Variants in HERC1 observed in about 807,000 individuals in gnomAD.
HERC1 encodes the protein HECT and RLD domain containing E3 ubiquitin protein ligase family member 1.
In HERC1, 160 loss-of-function variants were observed where a neutral mutation model predicts 554.3. The observed-to-expected ratio is 0.29, with a 90% CI of 0.25 to 0.33. HERC1 has a LOEUF of 0.33. HERC1 is among the 10% of genes least tolerant of loss of function. The pLI, the probability that HERC1 is intolerant of heterozygous loss-of-function variation, is 1.00. For synonymous variants in HERC1, 2,175 were observed against 2,131.7 expected (o/e 1.02, Z -0.56); for missense variants, 4,919 against 5,918.5 (o/e 0.83, Z 5.54).
At position 63,725,924 on chromosome 15, in the gene HERC1, T is replaced by G. The variant is rs541779685; in HGVS notation, c.3347-411A>C. On this transcript the variant is annotated intron_variant, in intron 17 of 77. Coordinates refer to ENST00000443617, the MANE Select transcript of HERC1 (RefSeq NM_003922.4). Reference sequence around the variant, plus strand: ...AGATTGTTTAATGCTTTTTAAGGCCTGAATTCAGAATTGTCTTAATACTAA... The same window carrying G: ...AGATTGTTTAATGCTTTTTAAGGCCGGAATTCAGAATTGTCTTAATACTAA... Among the ~76,000 whole-genome samples, 184 of 152,214 alleles carry G rather than the reference T, an allele frequency of 1.2e-3. 1 individual carries two copies. The highest frequency in any genetic ancestry group is 4.4e-3 in the African/African-American group (181 of 41,528).
chr15:63,800,366 T>C (rs1436726250), intron 1 of HERC1, among the ~76,000 whole-genome samples: 4 of 152,218 alleles, frequency 2.6e-5, no homozygotes, highest in Non-Finnish European at 1.5e-5. Flanking sequence ...CTGAGATCCT[T>C]AACTCCTGGA....
rs2069872900 is a variant in HERC1, at chr15:63,654,135, T to G, written c.10274A>C (p.Glu3425Ala). ...AATACTTACTCTGTTCTGATGAGCC[T>G]CCAATTTGATAAAGGAGCATTTTCT... The part of the protein sequence containing the change: ...DLRKCSFIKL[E>A]AHQNRVMTCV... Residue 3425 changes from glutamate (E) to alanine (A), a missense_variant, in exon 51 of 78, where the codon GAG (glutamate) becomes GCG (alanine). Physicochemically the swap from Glu to Ala is moderately radical, Grantham distance 107 (BLOSUM62 -1). Coordinates refer to ENST00000443617, the MANE Select transcript of HERC1 (RefSeq NM_003922.4). The G allele has an allele frequency of 6.2e-7, 1 of 1,613,036 alleles. No individual in the cohort carries two copies. The highest frequency in any genetic ancestry group is 8.5e-7 in the Non-Finnish European group (1 of 1,179,160).
In HERC1 at chr15:63,634,838, C is replaced by G. The variant is rs2068711494; in HGVS notation, c.12465G>C (p.Leu4155=). The change falls in exon 66 of 78, where the codon CTG becomes CTC. Residue 4155 remains leucine, a synonymous_variant. Transcript: ENST00000443617. The part of the protein sequence containing the change: ...HSAVVTSDGK[L]FTFGNGDYGR... ...CATAGTCACCATTCCCAAAGGTGAA[C>G]AGTTTGCCATCTGAAGTGACCACTG... 1 of 1,613,310 alleles carries G rather than the reference C, an allele frequency of 6.2e-7. No homozygotes were observed. Among genetic ancestry groups the G allele is most frequent in the African/African-American group, 1.3e-5 (1 of 74,906 alleles).
rs549415484 is a variant in HERC1, at chr15:63,825,795, G to A, written c.-27+8032C>T. ...TTTTTTTTTTTTGAGATGGAGTCTC[G>A]TTCTTGTCCCCCAGGCTGAGTATAG... On this transcript the variant is annotated intron_variant, in intron 1 of 77. Coordinates refer to ENST00000443617, the MANE Select transcript of HERC1 (RefSeq NM_003922.4). Among the ~76,000 whole-genome samples the A allele has an allele frequency of 4.6e-5, 7 of 151,256 alleles. No individual in the cohort carries two copies. In the East Asian group the frequency reaches 7.7e-4, roughly 17 times the overall value.
At chr15:63,642,912 C>A in intron 59 of HERC1, 45 bp downstream of exon 59, 1 of 1,158,480 alleles carries the variant, frequency 8.6e-7, no homozygotes, top group South Asian at 1.3e-5. Flanking sequence ...TTCTAAAGTT[C>A]CTTACAAGCT....
intron 8 of HERC1, among the ~76,000 whole-genome samples, chr15:63,750,653 C>T (rs1292714647): frequency 3.9e-5 from 6 of 152,086 alleles, no homozygotes; most frequent in Admixed American, 1.3e-4. Flanking sequence ...GAGCACTGTC[C>T]GGATGTAGTG....
At chr15:63,631,140 G>A (rs1162810545) in intron 68 of HERC1, among the ~76,000 whole-genome samples, 1 of 152,134 alleles carries the variant, frequency 6.6e-6, no homozygotes, top group African/African-American at 2.4e-5. Context: ...CACCATGCCT[G>A]GCTAATTTTA....
intron 48 of HERC1, 77 bp from the exon 49 acceptor site, chr15:63,656,435 A>AC (rs1384983031): frequency 5.9e-5 from 72 of 1,221,052 alleles, no homozygotes; most frequent in Non-Finnish European, 8.2e-5. Context: ...CCCACATAAC[A>AC]TTCACAGCAT....
At chr15:63,621,148 T>C (rs531800706) in intron 74 of HERC1, among the ~76,000 whole-genome samples, 3 of 152,390 alleles carry the variant, frequency 2.0e-5, no homozygotes, top group Non-Finnish European at 2.9e-5. Context: ...TTCCTTTCCA[T>C]GTTTAGTGCT....
chr15:63,661,640 G>A (rs1332679371), intron 45 of HERC1, 113 bp downstream of exon 45: 36 of 1,098,462 alleles, frequency 3.3e-5, no homozygotes, highest in Non-Finnish European at 4.6e-5. Context: ...TAAGAATCAC[G>A]GGATTTCAGG....
chr15:63,669,372 C>G (rs1159720663), intron 40 of HERC1, among the ~76,000 whole-genome samples, 166 bp downstream of exon 40: 1 of 152,240 alleles, frequency 6.6e-6, no homozygotes, highest in Non-Finnish European at 1.5e-5. Context: ...ATAATTCAAT[C>G]CACAGCTTCA....
At chr15:63,767,013 T>C (rs1210492363) in intron 2 of HERC1, among the ~76,000 whole-genome samples, 1 of 141,878 alleles carries the variant, frequency 7.0e-6, no homozygotes, top group South Asian at 2.3e-4. Flanking sequence ...ATTTGTTTTT[T>C]TTTTTTGAAA....
At chr15:63,621,418 C>T (rs1293546229) in intron 74 of HERC1, among the ~76,000 whole-genome samples, 2 of 152,156 alleles carry the variant, frequency 1.3e-5, no homozygotes, top group African/African-American at 4.8e-5. Context: ...TCTCTGGCTG[C>T]TCTTAACATT....
rs148265171 is a variant in HERC1, at chr15:63,805,326, T to C, written c.-27+28501A>G. On this transcript the variant is annotated intron_variant, in intron 1 of 77. Coordinates refer to ENST00000443617, the MANE Select transcript of HERC1 (RefSeq NM_003922.4). ...GAATAATAAGCATTATTATTCATTATTTGGAGATTCAACATGGATGAATCT... is the reference window on the plus strand; with the variant it reads ...GAATAATAAGCATTATTATTCATTACTTGGAGATTCAACATGGATGAATCT... Among the ~76,000 whole-genome samples the C allele has an allele frequency of 1.2e-4, 19 of 152,342 alleles. No homozygotes were observed. The East Asian group carries it at 3.3e-3, about 26-fold the overall frequency.
In HERC1 at chr15:63,774,766, T is replaced by C; in HGVS notation, c.858A>G (p.Leu286=). 1 of 1,613,846 alleles carries C rather than the reference T, an allele frequency of 6.2e-7. No homozygotes were observed. Among genetic ancestry groups the C allele is most frequent in the Non-Finnish European group, 8.5e-7 (1 of 1,179,854 alleles). ...TGATCATTCCTTCCTGGCTTGAGAG[T>C]AGTTTGCCTTTCTCCATGGTGTGTA... ...AVVHTMEKGK[L]LSSQEGMISF... is the part of the protein sequence containing the mutation. The change falls in exon 2 of 78, where the codon CTA becomes CTG. Residue 286 remains leucine (L), a synonymous_variant. Transcript: ENST00000443617.
At chr15:63,632,181 G>C (rs959084325) in intron 68 of HERC1, 1 of 156,736 alleles carries the variant, frequency 6.4e-6, no homozygotes, top group Non-Finnish European at 1.4e-5. Context: ...CCCACAACTA[G>C]AAACTTCAGT....
chr15:63,681,673 C>A (rs1303774450), intron 34 of HERC1, among the ~76,000 whole-genome samples: 2 of 152,128 alleles, frequency 1.3e-5, no homozygotes, highest in African/African-American at 2.4e-5. Flanking sequence ...ATGCTGAATA[C>A]CTGCTCTCCT....
At position 63,645,651 on chromosome 15, in the gene HERC1, G is replaced by A. The variant is rs1253876660; in HGVS notation, c.10910C>T (p.Thr3637Ile). The A allele has an allele frequency of 2.5e-6, 4 of 1,602,954 alleles. No individual in the cohort carries two copies. In the Admixed American group the frequency reaches 6.9e-5, roughly 28 times the overall value. The change falls in exon 56 of 78, where the codon ACA becomes ATA. Residue 3637 changes from threonine to isoleucine, a missense_variant. Around this residue, in one of 11 missense-constraint regions of HERC1, gnomAD observed 1,963 missense variants for 2,228.6 expected, o/e 0.88. Coordinates refer to ENST00000443617, the MANE Select transcript of HERC1 (RefSeq NM_003922.4). ...DTLISMKWDP[T>I]GHILMTCAKE... ...GGCACATGTCATAAGAATATGACCTGTAGGGTCCCACTTCATGCTAATAAG... is the reference window on the plus strand; with the variant it reads ...GGCACATGTCATAAGAATATGACCTATAGGGTCCCACTTCATGCTAATAAG...
chr15:63,723,065 C>A, intron 19 of HERC1, 117 bp downstream of exon 19: 3 of 584,764 alleles, frequency 5.1e-6, no homozygotes, highest in Admixed American at 4.1e-5. Flanking sequence ...AATAAAATAT[C>A]TTTTTCTATT....
Sources: allele counts gnomAD v4.1 joint callset (sites outside exome capture counted in the v4.1 genomes callset), GRCh38; gene constraint gnomAD v4.1.1; regional missense constraint gnomAD v4.1.1; transcripts MANE v1.5; gene names NCBI Gene and HGNC (gene_info 2026-07-23, HGNC 2026-07-21).